GNL3L: variants seen among roughly 807,000 people sequenced by gnomAD.
GNL3L encodes the protein guanine nucleotide-binding protein-like 3-like protein.
In GNL3L, 4 loss-of-function variants were observed where a neutral mutation model predicts 42.9. The ratio of observed to expected loss-of-function variants is 0.09; its 90% CI spans 0.05 to 0.21. The LOEUF (loss-of-function observed/expected upper bound fraction) is 0.21, where lower values mean the gene tolerates loss of function less well. Among genes scored for constraint, GNL3L ranks in the 10% least tolerant of loss-of-function variants. GNL3L has a pLI of 1.00. For missense variants in GNL3L, 412 were observed against 481.7 expected (o/e 0.86, Z 1.36); for synonymous variants, 159 against 176.3 (o/e 0.90, Z 0.78).
intron 16 of GNL3L, among the ~76,000 whole-genome samples, chrX:54,575,554 G>GA (rs1925622370): frequency 9.0e-6 from 1 of 111,704 alleles, no homozygotes. Context: ...CTAACACGGT[G>GA]AAACCCCATC....
At chrX:54,631,037 C>A in the GNL3L span, among the ~76,000 whole-genome samples, 7 of 109,345 alleles carry the variant, frequency 6.4e-5, no homozygotes, top group Non-Finnish European at 1.3e-4. Flanking sequence ...TAACTCCTGA[C>A]CTCAGGCGAT....
the GNL3L span, among the ~76,000 whole-genome samples, chrX:54,643,021 A>G: frequency 4.5e-5 from 5 of 112,209 alleles, no homozygotes; most frequent in Non-Finnish European, 9.4e-5. Context: ...TTTTCCATGC[A>G]TATACAAACA....
downstream of GNL3L, among the ~76,000 whole-genome samples, chrX:54,570,853 T>G (rs909945788): frequency 6.3e-5 from 7 of 111,908 alleles, no homozygotes; most frequent in African/African-American, 2.3e-4. Flanking sequence ...TTGTTTATAC[T>G]TTAAGTCCTC....
In GNL3L at chrX:54,564,502, G is replaced by T. The variant is rs1471846716; in HGVS notation, c.*3900G>T. Among the ~76,000 whole-genome samples the T allele has an allele frequency of 9.7e-6, 1 of 103,282 alleles. No homozygotes were observed. Among genetic ancestry groups the T allele is most frequent in the African/African-American group, 3.6e-5 (1 of 27,553 alleles). 89.7% of individuals were successfully genotyped at this position (103,282 alleles called of 115,157 possible). A position where few individuals can be genotyped will look rare whatever the true frequency, so the allele number is the denominator to read the frequency against. The stretch of plus-strand genomic sequence containing the variant: ...GGTTCACTGCAACCTCCGCCTCCAG[G>T]GTTCAAGCGGTTCTCCTGCCTCAGC... On this transcript the variant is annotated 3_prime_UTR_variant, in exon 16 of 16. Coordinates refer to ENST00000360845, the MANE Select transcript of GNL3L (RefSeq NM_001184819.2).
intron 16 of GNL3L, among the ~76,000 whole-genome samples, chrX:54,573,723 C>G (rs905033042): frequency 6.3e-5 from 7 of 111,063 alleles, no homozygotes; most frequent in Non-Finnish European, 1.3e-4. Flanking sequence ...TTTTTTATTC[C>G]TCTATTTACC....
chrX:54,597,206 G>A (rs1415754875), intron 16 of GNL3L, among the ~76,000 whole-genome samples: 4 of 111,309 alleles, frequency 3.6e-5, no homozygotes, highest in Non-Finnish European at 1.9e-5. Flanking sequence ...CATAGTATCT[G>A]GGCATCACTG....
At chrX:54,534,037 A>G (rs1924347799) in intron 2 of GNL3L, among the ~76,000 whole-genome samples, 1 of 101,093 alleles carries the variant, frequency 9.9e-6, no homozygotes, top group South Asian at 4.1e-4. Flanking sequence ...ATTTGCCACT[A>G]TGCCCCACTA....
the GNL3L span, among the ~76,000 whole-genome samples, chrX:54,630,662 T>TTCCTTCC: frequency 0.038 from 2,037 of 53,344 alleles, 175 homozygotes; most frequent in African/African-American, 0.13. Flanking sequence ...TTTCTCCTTC[T>TTCCTTCC]TTCCTTCCTT....
At chrX:54,548,409 C>G in intron 9 of GNL3L, 36 bp downstream of exon 9, 1 of 1,118,187 alleles carries the variant, frequency 8.9e-7, no homozygotes, top group Non-Finnish European at 1.2e-6. Context: ...GCTCAGGCTT[C>G]TTTCTTGAGC....
chrX:54,637,088 T>C, the GNL3L span, among the ~76,000 whole-genome samples: 1 of 111,742 alleles, frequency 8.9e-6, no homozygotes, highest in African/African-American at 3.3e-5. Context: ...AAACTTTTCA[T>C]TGTTTTCCAG....
chrX:54,590,375 A>T, intron 16 of GNL3L, among the ~76,000 whole-genome samples: 1 of 112,316 alleles, frequency 8.9e-6, no homozygotes, highest in East Asian at 2.8e-4. Flanking sequence ...ATGTCTATTC[A>T]AATATTTTGC....
In GNL3L at chrX:54,551,619, A is replaced by G. The variant is rs1264048699; in HGVS notation, c.915A>G (p.Pro305=). 1 of 1,210,190 alleles carries G rather than the reference A, an allele frequency of 8.3e-7. No homozygotes were observed. The highest frequency in any genetic ancestry group is 1.8e-5 in the South Asian group (1 of 56,950). ...LDKFIRLLDA[P]GIVPGPNSEV... ...AGTTCATCCGGCTCTTGGATGCTCC[A>G]GGCATTGTCCCAGGGCCCAACTCAG... The change falls in exon 11 of 16, where the codon CCA becomes CCG. Residue 305 remains proline, a synonymous_variant. Transcript: ENST00000360845.
chrX:54,554,786 G>A (rs1025240620), intron 14 of GNL3L, 94 bp downstream of exon 14: 10 of 818,645 alleles, frequency 1.2e-5, no homozygotes, highest in South Asian at 2.3e-5. Context: ...GTGGTGAGAT[G>A]TGGGTAGTTC....
intron 16 of GNL3L, among the ~76,000 whole-genome samples, chrX:54,582,645 C>T (rs940706117): frequency 7.1e-5 from 8 of 112,405 alleles, no homozygotes; most frequent in African/African-American, 1.9e-4. Flanking sequence ...TGCAGTGGCA[C>T]GATCTTGGCT....
chrX:54,606,460 A>C (rs1926061506), intron 16 of GNL3L, among the ~76,000 whole-genome samples: 1 of 110,813 alleles, frequency 9.0e-6, no homozygotes, highest in Admixed American at 9.6e-5. Flanking sequence ...GGCATGAGGG[A>C]AACTTCTGAG....
At chrX:54,571,926 ATGTTCT>A (rs1925549333), downstream of GNL3L, among the ~76,000 whole-genome samples, 1 of 106,549 alleles carries the variant, frequency 9.4e-6, no homozygotes, top group Non-Finnish European at 1.9e-5. Context: ...CAGATCATTG[ATGTTCT>A]TTGGATTTTT....
intron 16 of GNL3L, among the ~76,000 whole-genome samples, chrX:54,607,060 CTTTCTTTCTTTCTCTTTCTTTCTTCT>C (rs1569542605): frequency 5.6e-4 from 21 of 37,512 alleles, no homozygotes; most frequent in African/African-American, 7.3e-4. Context: ...TTCTTTCTTT[CTTTCTTTCTTTCTCTTTCTTTCTTCT>C]TTCTTTCTTT....
rs755619250 is a variant in GNL3L, at chrX:54,557,272, A to AT, written c.1447-1155dup. On this transcript the variant is annotated intron_variant, in intron 14 of 15. Transcript: ENST00000360845. ...ACACAAAGTAGATGTCAAAAAAAAA[A>AT]TTTTTTTTTAAGACAGGGTCTTGCT... Among the ~76,000 whole-genome samples, 840 of 106,745 alleles carry AT rather than the reference A, an allele frequency of 7.9e-3. 9 individuals carry two copies. Among genetic ancestry groups the AT allele is most frequent in the African/African-American group, 0.027 (784 of 29,469 alleles). 92.7% of individuals were successfully genotyped at this position (106,745 alleles called of 115,157 possible). A position where few individuals can be genotyped will look rare whatever the true frequency, so the allele number is the denominator to read the frequency against.
At chrX:54,625,295 T>TC (rs112908839), downstream of GNL3L, among the ~76,000 whole-genome samples, 1 of 109,095 alleles carries the variant, frequency 9.2e-6, no homozygotes, top group African/African-American at 3.3e-5. Flanking sequence ...TTTTGTTTTT[T>TC]TTTTTTTTTA....
Sources: allele counts gnomAD v4.1 joint callset (sites outside exome capture counted in the v4.1 genomes callset), GRCh38; gene constraint gnomAD v4.1.1; transcripts MANE v1.5; gene names NCBI Gene and HGNC (gene_info 2026-07-23, HGNC 2026-07-21).